The following ADAMTS17 variants were observed in gnomAD, a reference collection of about 807,000 sequenced individuals.
The protein encoded by ADAMTS17 is A disintegrin and metalloproteinase with thrombospondin motifs 17.
Under a neutral mutation model 141.5 loss-of-function variants are expected in ADAMTS17, and 113 were observed. The ratio of observed to expected loss-of-function variants is 0.80; its 90% CI spans 0.69 to 0.93. The LOEUF (loss-of-function observed/expected upper bound fraction) is 0.93, where lower values mean the gene tolerates loss of function less well. Ranked by LOEUF, ADAMTS17 falls within the 40% of genes least tolerant of loss-of-function variation. The pLI is 0.00. For synonymous variants in ADAMTS17, 768 were observed against 630.6 expected, an observed-to-expected ratio of 1.22 and a Z score of -3.27; for missense variants, 1,659 against 1,517.9, an observed-to-expected ratio of 1.09 and a Z score of -1.54.
chr15:100,202,235 T>G (rs2041362515), intron 7 of ADAMTS17, among the ~76,000 whole-genome samples: 1 of 152,242 alleles, frequency 6.6e-6, no homozygotes, highest in South Asian at 2.1e-4. Flanking sequence ...TTAGGTAACG[T>G]GCAATGCTAG....
intron 17 of ADAMTS17, 83 bp downstream of exon 17, chr15:100,051,489 A>C: frequency 6.3e-7 from 1 of 1,586,958 alleles, no homozygotes; most frequent in Non-Finnish European, 8.6e-7. Flanking sequence ...GATGTCTCAC[A>C]CTCTGCGTGC....
rs759462850 is a variant in ADAMTS17 at position 100,116,990 on chromosome 15, C to T, written c.1745G>A (p.Cys582Tyr). Residue 582 changes from cysteine (C) to tyrosine (Y), a missense_variant, in exon 13 of 22, where the codon TGC becomes TAC. By Grantham distance (194) the Cys-to-Tyr change is radical. Transcript: ENST00000268070. ...NPPPGPGGTH[C>Y]PGASVEHAVC... ...CGCATGTTCTACACTGGCACCCGGG[C>T]AGTGTGTGCCTCCAGGCCCAGGGCT... The T allele has an allele frequency of 6.2e-7, 1 of 1,612,788 alleles. No individual in the cohort carries two copies. Among genetic ancestry groups the T allele is most frequent in the Non-Finnish European group, 8.5e-7 (1 of 1,179,624 alleles).
chr15:100,192,231 C>T (rs889700481), intron 8 of ADAMTS17, among the ~76,000 whole-genome samples: 5 of 152,162 alleles, frequency 3.3e-5, no homozygotes, highest in African/African-American at 1.2e-4. Flanking sequence ...CCCTTCAATG[C>T]TTCAAGCACC....
In ADAMTS17 at chr15:100,341,972, G is replaced by C. The variant is rs754883768; in HGVS notation, c.-73C>G. 5.3e-6 allele frequency: 8 copies of C among 1,516,202 alleles called. No homozygotes were observed. The highest frequency in any genetic ancestry group is 2.4e-5 in the South Asian group (2 of 83,354). The allele number at this position is 1,516,202 out of a possible 1,614,324, so 93.9% of individuals were successfully genotyped here. A position where few individuals can be genotyped will look rare whatever the true frequency, so the allele number is the denominator to read the frequency against. On this transcript the variant is annotated 5_prime_UTR_variant, in exon 1 of 22. Transcript: ENST00000268070. ...GCGCGCTAGGCGGCGGCGCCAGCCG[G>C]AGTGAAGCCCTCCAGCCTTTGGAAA...
chr15:100,058,769 G>A (rs4423400), intron 15 of ADAMTS17, among the ~76,000 whole-genome samples: 103 of 152,316 alleles, frequency 6.8e-4, no homozygotes, highest in East Asian at 2.1e-3. Context: ...TGTCTGTAGC[G>A]GAATGGGTGG....
At chr15:100,294,734 C>T (rs1005886290) in intron 3 of ADAMTS17, among the ~76,000 whole-genome samples, 4 of 152,290 alleles carry the variant, frequency 2.6e-5, no homozygotes, top group African/African-American at 9.6e-5. Flanking sequence ...AGGGGCTCCC[C>T]AACATCCCAC....
chr15:100,207,551 G>T (rs2041623873), intron 7 of ADAMTS17, among the ~76,000 whole-genome samples: 1 of 152,192 alleles, frequency 6.6e-6, no homozygotes, highest in African/African-American at 2.4e-5. Flanking sequence ...GCTTGGCCTT[G>T]ATGTTCACGA....
chr15:100,077,240 T>G (rs1185726756), intron 15 of ADAMTS17, among the ~76,000 whole-genome samples: 1 of 138,224 alleles, frequency 7.2e-6, no homozygotes, highest in South Asian at 2.3e-4. Context: ...GGCCAGGAGT[T>G]TGCAACCAGC....
intron 3 of ADAMTS17, among the ~76,000 whole-genome samples, chr15:100,328,302 T>C (rs543272878): frequency 2.6e-5 from 4 of 152,332 alleles, no homozygotes; most frequent in Non-Finnish European, 5.9e-5. Context: ...AGATAGGGCC[T>C]AACTGACTGC....
Position 100,313,175 on chromosome 15 carries a change from G to A in ADAMTS17, c.616+17714C>T, listed in dbSNP as rs751240016. Among the ~76,000 whole-genome samples the A allele has an allele frequency of 9.1e-4, 138 of 152,136 alleles. 1 individual carries two copies. The highest frequency in any genetic ancestry group is 1.5e-3 in the Non-Finnish European group (103 of 67,994). On this transcript the variant is annotated intron_variant, in intron 3 of 21. Transcript: ENST00000268070. Reference sequence around the variant, plus strand: ...TGAAAGCTTCCATACTTCTTTTCATGGAGCTATAATACTAATATCTAAACT... The same window carrying A: ...TGAAAGCTTCCATACTTCTTTTCATAGAGCTATAATACTAATATCTAAACT...
At chr15:100,052,206 A>G (rs1037117005) in intron 16 of ADAMTS17, among the ~76,000 whole-genome samples, 2 of 149,570 alleles carry the variant, frequency 1.3e-5, no homozygotes, top group East Asian at 4.0e-4. Flanking sequence ...TTCACTCCCC[A>G]TCATCAATCA....
At chr15:100,129,105 G>A (rs1281847273) in intron 12 of ADAMTS17, 1 of 152,224 alleles carries the variant, frequency 6.6e-6, no homozygotes, top group African/African-American at 2.4e-5. Flanking sequence ...GGCTCCTTCA[G>A]ACATTCAGAG....
chr15:100,268,395 G>A (rs1049909203), intron 4 of ADAMTS17, among the ~76,000 whole-genome samples: 4 of 152,162 alleles, frequency 2.6e-5, no homozygotes, highest in African/African-American at 9.7e-5. Context: ...CACAGTGACT[G>A]AACTAATTTA....
chr15:100,200,188 C>G (rs980567562), intron 7 of ADAMTS17, among the ~76,000 whole-genome samples: 3 of 152,214 alleles, frequency 2.0e-5, no homozygotes, highest in African/African-American at 7.2e-5. Flanking sequence ...CCACACACAC[C>G]AGGAGAAACG....
intron 7 of ADAMTS17, among the ~76,000 whole-genome samples, chr15:100,252,287 A>G (rs1002093391): frequency 1.3e-5 from 2 of 152,136 alleles, no homozygotes; most frequent in Non-Finnish European, 2.9e-5. Context: ...ACCTGCATTC[A>G]TTCATTCATT....
rs938657541 is a variant in ADAMTS17 at position 100,247,595 on chromosome 15, G to A, written c.1075+6541C>T. On this transcript the variant is annotated intron_variant, in intron 7 of 21. Coordinates refer to ENST00000268070, the MANE Select transcript of ADAMTS17 (RefSeq NM_139057.4). ...GGAAGGGACGAAGCACAGTCAGACG[G>A]GCCCGTTTTCATATGTTTGTGTTTA... 5.0e-4 allele frequency among the ~76,000 whole-genome samples: 76 copies of A among 152,044 alleles called. 1 individual carries two copies. The highest frequency in any genetic ancestry group is 1.3e-4 in the Non-Finnish European group (9 of 68,028).
chr15:99,985,023 ACCCCT>A (rs2060558031), intron 20 of ADAMTS17, among the ~76,000 whole-genome samples: 1 of 152,134 alleles, frequency 6.6e-6, no homozygotes, highest in Non-Finnish European at 1.5e-5. Flanking sequence ...CCCCGCGGCC[ACCCCT>A]CCTGGCAATT....
At chr15:100,083,029 T>C (rs1357196148) in intron 15 of ADAMTS17, among the ~76,000 whole-genome samples, 2 of 152,184 alleles carry the variant, frequency 1.3e-5, no homozygotes, top group Non-Finnish European at 2.9e-5. Flanking sequence ...CACAAATATT[T>C]CCAAGTCTTT....
chr15:100,031,859 T>A (rs1030224440), intron 18 of ADAMTS17, among the ~76,000 whole-genome samples: 1 of 152,168 alleles, frequency 6.6e-6, no homozygotes, highest in African/African-American at 2.4e-5. Flanking sequence ...GGCAGCTTGG[T>A]TCTACAAATA....
Sources: allele counts gnomAD v4.1 joint callset (sites outside exome capture counted in the v4.1 genomes callset), GRCh38; gene constraint gnomAD v4.1.1; transcripts MANE v1.5; gene names NCBI Gene and HGNC (gene_info 2026-07-23, HGNC 2026-07-21).